The following ZMYM6 variants were observed in gnomAD, a reference collection of about 807,000 sequenced individuals.
The protein encoded by ZMYM6 is zinc finger MYM-type protein 6.
ZMYM6 carries 90 observed loss-of-function variants against 134.0 expected under a neutral mutation model. That is an observed-to-expected ratio of 0.67 (90% confidence interval 0.57 to 0.80). The LOEUF (loss-of-function observed/expected upper bound fraction) is 0.80. Among genes scored for constraint, ZMYM6 ranks in the 30% least tolerant of loss-of-function variants. The pLI, the probability that ZMYM6 is intolerant of heterozygous loss-of-function variation, is 0.00. For synonymous variants in ZMYM6, 481 were observed against 524.1 expected, an observed-to-expected ratio of 0.92 and a Z score of 1.12; for missense variants, 1,362 against 1,533.9, an observed-to-expected ratio of 0.89 and a Z score of 1.87.
rs776287025 is a variant in ZMYM6 at position 35,005,217 on chromosome 1, A to G, written c.1869T>C (p.Asp623=). The G allele has an allele frequency of 1.2e-6, 2 of 1,614,042 alleles. No individual in the cohort carries two copies. The highest frequency in any genetic ancestry group is 2.7e-5 in the African/African-American group (2 of 74,924). The change falls in exon 13 of 16, where the codon GAT becomes GAC. Residue 623 remains aspartate (D), a synonymous_variant. Coordinates refer to ENST00000357182, the MANE Select transcript of ZMYM6 (RefSeq NM_007167.4). ...TCACACTGGTTATAACTGGTGTTGT[A>G]TCTGTCCTTGCAGAAGGGAGCTCCG... ...AVTELPSART[D]TTPVITSVMS...
At position 34,987,216 on chromosome 1, in the gene ZMYM6, G is replaced by A. The variant is rs1052726514; in HGVS notation, c.3866C>T (p.Ser1289Leu). 1.2e-6 allele frequency: 2 copies of A among 1,613,690 alleles called. No individual in the cohort carries two copies. Among genetic ancestry groups the A allele is most frequent in the African/African-American group, 2.7e-5 (2 of 74,924 alleles). Residue 1289 changes from serine to leucine, a missense_variant, in exon 16 of 16, where the codon TCA (serine) becomes TTA (leucine). By Grantham distance (145) the Ser-to-Leu change is moderately radical. Transcript: ENST00000357182. Reference protein sequence around the residue: ...STVYLCDAAFSALTESKQKNL... With the variant: ...STVYLCDAAFLALTESKQKNL... ...TTTTTGTTTTGACTCAGTCAAAGCT[G>A]AAAAGGCAGCATCACATAAATAAAC...
intron 6 of ZMYM6, chr1:35,013,164 TC>T: frequency 1.3e-6 from 1 of 782,086 alleles, no homozygotes; most frequent in Non-Finnish European, 1.6e-6. Flanking sequence ...TTACCATGAG[TC>T]AGGCCCCAGG....
intron 15 of ZMYM6, among the ~76,000 whole-genome samples, chr1:34,991,173 A>G (rs1441016060): frequency 1.3e-5 from 2 of 151,980 alleles, no homozygotes; most frequent in African/African-American, 2.4e-5. Context: ...CAACAATTCA[A>G]TATTTAATCT....
chr1:34,987,168 G>A lies in ZMYM6; in HGVS notation c.3914C>T (p.Ala1305Val), dbSNP rs1203210105. The change falls in exon 16 of 16, where the codon GCC (alanine) becomes GTC (valine). Residue 1305 changes from alanine (A) to valine (V), a missense_variant. Coordinates refer to ENST00000357182, the MANE Select transcript of ZMYM6 (RefSeq NM_007167.4). ...TAAAGATGTGACTGCAAGTCTTAGG[G>A]CAGGGCCAGAACCCAACAGATTTTT... ...KQKNLLGSGPALRLAVTSLIP... is the reference protein window; with the variant it reads ...KQKNLLGSGPVLRLAVTSLIP... The A allele has an allele frequency of 1.2e-6, 2 of 1,602,496 alleles. No individual in the cohort carries two copies. Among genetic ancestry groups the A allele is most frequent in the East Asian group, 2.2e-5 (1 of 44,772 alleles).
intron 6 of ZMYM6, 141 bp from the exon 7 acceptor site, chr1:35,012,722 G>C: frequency 7.1e-7 from 1 of 1,418,222 alleles, no homozygotes; most frequent in Non-Finnish European, 9.2e-7. Context: ...ACACTATTGG[G>C]AGGTGGGAAA....
At chr1:35,013,245 AT>A in intron 6 of ZMYM6, 1 of 753,860 alleles carries the variant, frequency 1.3e-6, no homozygotes, top group Non-Finnish European at 1.6e-6. Context: ...CAAAAATTAC[AT>A]TAACAAAAAG....
At chr1:35,002,902 T>C (rs529939116) in intron 14 of ZMYM6, among the ~76,000 whole-genome samples, 2 of 152,226 alleles carry the variant, frequency 1.3e-5, no homozygotes, top group African/African-American at 4.8e-5. Flanking sequence ...CTGGGCACCA[T>C]CGGCTCATGC....
At position 35,003,916 on chromosome 1, in the gene ZMYM6, G is replaced by A; in HGVS notation, c.1992+52C>T. 9.8e-6 allele frequency: 15 copies of A among 1,524,676 alleles called. No individual in the cohort carries two copies. The South Asian group carries it at 1.7e-4, about 17-fold the overall frequency. The allele number at this position is 1,524,676 out of a possible 1,614,324, so 94.4% of individuals were successfully genotyped here. ...TATATTAGAATGCCATATCCAAAGT[G>A]AAAATAAGCCCAAGTGGCATTATCA... On this transcript the variant is annotated intron_variant, in intron 14 of 15. Coordinates refer to ENST00000357182, the MANE Select transcript of ZMYM6 (RefSeq NM_007167.4).
At chr1:35,015,743 A>AAAAAAATATATATATATATAT in intron 4 of ZMYM6, among the ~76,000 whole-genome samples, 5 of 106,464 alleles carry the variant, frequency 4.7e-5, no homozygotes, top group South Asian at 5.3e-4. Flanking sequence ...AAAAAAAAAA[A>AAAAAAATATATATATATATAT]ATATATATAT....
intron 4 of ZMYM6, among the ~76,000 whole-genome samples, chr1:35,015,732 A>AAAAAAAAAAAAAG (rs1273209027): frequency 7.5e-6 from 1 of 133,030 alleles, no homozygotes; most frequent in African/African-American, 3.6e-5. Flanking sequence ...TCAAAAAAAA[A>AAAAAAAAAAAAAG]AAAAAAAAAA....
intron 10 of ZMYM6, 55 bp from the exon 11 acceptor site, chr1:35,008,979 G>A: frequency 6.5e-7 from 1 of 1,542,362 alleles, no homozygotes; most frequent in East Asian, 2.3e-5. Flanking sequence ...AACTGAGGAG[G>A]TATAATAAGT....
chr1:34,989,079 CATA>C, intron 15 of ZMYM6, 144 bp from the exon 16 acceptor site: 1 of 1,443,444 alleles, frequency 6.9e-7, no homozygotes, highest in Admixed American at 2.8e-5. Context: ...AAGCACAAGT[CATA>C]ATACTTCCAA....
chr1:34,995,323 A>G (rs2148444842), intron 14 of ZMYM6, among the ~76,000 whole-genome samples: 1 of 150,688 alleles, frequency 6.6e-6, no homozygotes, highest in Non-Finnish European at 1.5e-5. Context: ...TTGTATACAC[A>G]TATACAATAT....
chr1:35,009,922 C>A (rs529863454), intron 10 of ZMYM6, among the ~76,000 whole-genome samples: 23 of 152,018 alleles, frequency 1.5e-4, no homozygotes, highest in Non-Finnish European at 2.5e-4. Flanking sequence ...AGTGACAGGG[C>A]AAGACCTTGT....
intron 14 of ZMYM6, among the ~76,000 whole-genome samples, chr1:35,003,371 G>A (rs1222663223): frequency 2.0e-5 from 3 of 152,048 alleles, no homozygotes; most frequent in Non-Finnish European, 2.9e-5. Flanking sequence ...TTTCTTGAAC[G>A]TTTCTTTTAA....
intron 15 of ZMYM6, chr1:34,990,308 G>T: frequency 3.6e-6 from 1 of 281,124 alleles, no homozygotes; most frequent in Admixed American, 2.8e-5. Flanking sequence ...GTGAAATCCC[G>T]TCTCTACTAA....
At chr1:35,021,273 T>TGGG (rs1023353496) in intron 2 of ZMYM6, among the ~76,000 whole-genome samples, 39 of 151,652 alleles carry the variant, frequency 2.6e-4, no homozygotes, top group Middle Eastern at 3.2e-3. Context: ...CCCAAGTAGC[T>TGGG]GGGAATACAG....
chr1:35,015,743 A>AAAAAAAAAAATATATATATAT, intron 4 of ZMYM6, among the ~76,000 whole-genome samples: 81 of 106,398 alleles, frequency 7.6e-4, no homozygotes, highest in African/African-American at 5.2e-3. Context: ...AAAAAAAAAA[A>AAAAAAAAAAATATATATATAT]ATATATATAT....
intron 15 of ZMYM6, among the ~76,000 whole-genome samples, chr1:34,991,810 T>G (rs954448064): frequency 2.6e-5 from 4 of 151,926 alleles, no homozygotes; most frequent in Non-Finnish European, 5.9e-5. Context: ...ACCCAGTGCT[T>G]TAGGCACAGT....
Sources: gnomAD v4.1 joint callset for allele counts (sites outside exome capture counted in the v4.1 genomes callset) on GRCh38, gnomAD v4.1.1 for gene constraint, MANE v1.5 for transcripts, NCBI Gene and HGNC (gene_info 2026-07-23, HGNC 2026-07-21) for gene names.